Variants in RARB observed in about 807,000 individuals in gnomAD.
The protein encoded by RARB is HBV-activated protein.
A neutral mutation model predicts 51.9 loss-of-function variants in RARB; 17 were observed. The ratio of observed to expected loss-of-function variants is 0.33; its 90% confidence interval spans 0.22 to 0.49. RARB has a LOEUF of 0.49. RARB is among the 20% of genes least tolerant of loss of function. The pLI is 0.99. For synonymous variants in RARB, 215 were observed against 195.4 expected (o/e 1.10, Z -0.84); for missense variants, 369 against 550.8 (o/e 0.67, Z 3.30).
At chr3:24,915,151 G>T (rs886436730) in intron 2 of RARB, among the ~76,000 whole-genome samples, 3 of 152,238 alleles carry the variant, frequency 2.0e-5, no homozygotes, top group African/African-American at 7.2e-5. Flanking sequence ...AGATACAAAA[G>T]TTGAAGAAAA....
At chr3:24,836,909 T>C (rs535480575) in intron 1 of RARB, among the ~76,000 whole-genome samples, 2 of 152,226 alleles carry the variant, frequency 1.3e-5, no homozygotes, top group Non-Finnish European at 2.9e-5. Context: ...TATGTATTTA[T>C]TTCATAAGTA....
chr3:25,094,581 G>A (rs1342648439), intron 3 of RARB, among the ~76,000 whole-genome samples: 2 of 151,890 alleles, frequency 1.3e-5, no homozygotes, highest in Non-Finnish European at 2.9e-5. Context: ...AGCCAGGTGT[G>A]ATGGCATGCG....
At chr3:25,523,840 T>A (rs905834106) in intron 3 of RARB, among the ~76,000 whole-genome samples, 1 of 152,244 alleles carries the variant, frequency 6.6e-6, no homozygotes, top group African/African-American at 2.4e-5. Context: ...ACTTTTTCTC[T>A]TGTTCACAGG....
At chr3:24,991,447 A>AAAAAAAG (rs1553621161) in intron 2 of RARB, among the ~76,000 whole-genome samples, 1 of 151,424 alleles carries the variant, frequency 6.6e-6, no homozygotes, top group African/African-American at 2.4e-5. Flanking sequence ...CTGTCTCAAA[A>AAAAAAAG]AAAAAAGAAA....
At chr3:25,401,599 C>G (rs1166970754) in intron 5 of RARB, among the ~76,000 whole-genome samples, 1 of 152,068 alleles carries the variant, frequency 6.6e-6, no homozygotes, top group African/African-American at 2.4e-5. Flanking sequence ...ATAGAAATTT[C>G]AGAACTGAAA....
At chr3:24,922,950 G>A (rs1233226135) in intron 2 of RARB, among the ~76,000 whole-genome samples, 6 of 152,176 alleles carry the variant, frequency 3.9e-5, no homozygotes, top group East Asian at 3.9e-4. Context: ...AAGTAATTAC[G>A]AATCAAAAAG....
At chr3:25,426,899 C>G (rs994523474), upstream of RARB, among the ~76,000 whole-genome samples, 10 of 152,174 alleles carry the variant, frequency 6.6e-5, no homozygotes, top group Non-Finnish European at 1.5e-4. Flanking sequence ...TGGAAAGACT[C>G]TTCTTCCTGT....
intron 3 of RARB, among the ~76,000 whole-genome samples, chr3:25,129,365 G>A (rs147381738): frequency 6.6e-6 from 1 of 152,064 alleles, no homozygotes; most frequent in Non-Finnish European, 1.5e-5. Flanking sequence ...TTTTTTGTGT[G>A]TGAAGAAATG....
At chr3:25,394,444 G>C (rs1423037360) in intron 5 of RARB, among the ~76,000 whole-genome samples, 1 of 152,090 alleles carries the variant, frequency 6.6e-6, no homozygotes, top group Non-Finnish European at 1.5e-5. Context: ...TCAGTCCACT[G>C]TTTCTTTGTT....
In RARB at chr3:24,949,189, C is replaced by T. The variant is rs116287336; in HGVS notation, c.-380+90437C>T. On this transcript the variant is annotated intron_variant, in intron 2 of 11. Transcript: ENST00000383772. ...TTTTAGAACCAGAGCTTTCCAATGT[C>T]AAAGGTATTGGAGTATTTGCTGACC... Among the ~76,000 whole-genome samples the T allele has an allele frequency of 6.6e-3, 1,011 of 152,272 alleles. 14 individuals are homozygous for T. The highest frequency in any genetic ancestry group is 0.023 in the African/African-American group (960 of 41,546).
intron 1 of RARB, among the ~76,000 whole-genome samples, chr3:25,453,935 A>G (rs562710385): frequency 2.6e-4 from 40 of 152,242 alleles, no homozygotes; most frequent in Non-Finnish European, 5.7e-4. Context: ...GAGTAAGGCA[A>G]GATTTCAAAG....
chr3:25,560,254 A>G (rs1700218694), intron 3 of RARB, among the ~76,000 whole-genome samples: 1 of 152,236 alleles, frequency 6.6e-6, no homozygotes, highest in Non-Finnish European at 1.5e-5. Flanking sequence ...GAAATGCTGT[A>G]AAGTGAGGTT....
At chr3:25,442,289 C>T (rs1027661607) in intron 1 of RARB, among the ~76,000 whole-genome samples, 3 of 152,084 alleles carry the variant, frequency 2.0e-5, no homozygotes, top group African/African-American at 7.2e-5. Flanking sequence ...GAGCGCGCTA[C>T]CACGCCCAGC....
chr3:25,518,098 C>T (rs182378443), intron 3 of RARB, among the ~76,000 whole-genome samples: 1 of 152,280 alleles, frequency 6.6e-6, no homozygotes, highest in Admixed American at 6.5e-5. Context: ...CACTGAATAA[C>T]ACATTTTAAA....
chr3:25,137,012 G>C (rs559112638), intron 4 of RARB, among the ~76,000 whole-genome samples: 4 of 152,002 alleles, frequency 2.6e-5, no homozygotes, highest in African/African-American at 9.7e-5. Flanking sequence ...ATTAAGCAAG[G>C]AGTAGCAGCA....
chr3:25,220,302 C>T (rs1360993036), intron 5 of RARB, among the ~76,000 whole-genome samples: 2 of 152,164 alleles, frequency 1.3e-5, no homozygotes, highest in Admixed American at 6.5e-5. Flanking sequence ...ATTCATCTTG[C>T]AGTAACTTAG....
chr3:25,469,031 A>T (rs2125565556), intron 2 of RARB, among the ~76,000 whole-genome samples: 1 of 152,314 alleles, frequency 6.6e-6, no homozygotes, highest in Non-Finnish European at 1.5e-5. Flanking sequence ...TATTTAAAGC[A>T]GTCTTTTAAG....
chr3:24,964,573 T>G (rs1215051954), intron 2 of RARB, among the ~76,000 whole-genome samples: 4 of 152,176 alleles, frequency 2.6e-5, no homozygotes, highest in African/African-American at 9.7e-5. Context: ...GGTGTATGAT[T>G]ATTGTGAACA....
chr3:25,200,873 C>T (rs1248589577), intron 5 of RARB, among the ~76,000 whole-genome samples: 3 of 152,104 alleles, frequency 2.0e-5, no homozygotes, highest in Non-Finnish European at 4.4e-5. Context: ...AGTCAGGTAG[C>T]ATGATACCTC....
Sources: allele counts gnomAD v4.1 joint callset (sites outside exome capture counted in the v4.1 genomes callset), GRCh38; gene constraint gnomAD v4.1.1; transcripts MANE v1.5; gene names NCBI Gene and HGNC (gene_info 2026-07-23, HGNC 2026-07-21).